KLHL1: variants seen among roughly 807,000 people sequenced by gnomAD.
KLHL1 encodes kelch like family member 1, also known as kelch-like protein 1.
In KLHL1, 47 loss-of-function variants were observed where a neutral mutation model predicts 77.7. The observed-to-expected ratio is 0.60, with a 90% CI of 0.48 to 0.77. The LOEUF (loss-of-function observed/expected upper bound fraction) is 0.77. Among genes scored for constraint, KLHL1 ranks in the 30% least tolerant of loss-of-function variants. The pLI, the probability that KLHL1 is intolerant of heterozygous loss-of-function variation, is 0.00. For synonymous variants in KLHL1, 360 were observed against 325.2 expected (o/e 1.11, Z -1.15); for missense variants, 925 against 910.8 (o/e 1.02, Z -0.20).
chr13:69,875,222 TTAAG>T (rs1402685107), intron 5 of KLHL1, among the ~76,000 whole-genome samples: 1 of 152,004 alleles, frequency 6.6e-6, no homozygotes, highest in Non-Finnish European at 1.5e-5. Context: ...AGAATGATGG[TTAAG>T]TAAAAGTACA....
At chr13:69,888,064 C>T (rs899784084) in intron 4 of KLHL1, among the ~76,000 whole-genome samples, 3 of 152,032 alleles carry the variant, frequency 2.0e-5, no homozygotes, top group Non-Finnish European at 4.4e-5. Flanking sequence ...CTGGAAAGTC[C>T]AACATCAAGG....
At chr13:69,741,425 A>T (rs1873981937) in intron 7 of KLHL1, among the ~76,000 whole-genome samples, 1 of 152,162 alleles carries the variant, frequency 6.6e-6, no homozygotes, top group Admixed American at 6.6e-5. Context: ...CCTATTACCA[A>T]GCTGACAAAT....
chr13:69,956,135 ATGATATATATATTTATATATATT>A (rs1455235840), intron 3 of KLHL1, among the ~76,000 whole-genome samples: 11 of 141,858 alleles, frequency 7.8e-5, no homozygotes, highest in East Asian at 2.0e-4. Context: ...TTTGATATAT[ATGATATATATATTTATATATATT>A]TGATATATAT....
intron 7 of KLHL1, among the ~76,000 whole-genome samples, chr13:69,792,011 T>C (rs1319724443): frequency 1.3e-5 from 2 of 152,208 alleles, no homozygotes; most frequent in African/African-American, 4.8e-5. Context: ...GAATGCATGC[T>C]GGGCTTAATA....
intron 7 of KLHL1, among the ~76,000 whole-genome samples, chr13:69,772,437 A>T (rs1377132313): frequency 6.6e-6 from 1 of 152,006 alleles, no homozygotes; most frequent in Non-Finnish European, 1.5e-5. Context: ...AAATTTGACA[A>T]TTTTTTTCTA....
intron 5 of KLHL1, among the ~76,000 whole-genome samples, chr13:69,874,280 T>C (rs995317535): frequency 2.0e-5 from 3 of 152,128 alleles, no homozygotes; most frequent in Admixed American, 6.5e-5. Context: ...ATGGACTATA[T>C]AGTCCTCTTC....
intron 4 of KLHL1, among the ~76,000 whole-genome samples, chr13:69,925,855 T>A (rs1882797985): frequency 6.6e-6 from 1 of 152,222 alleles, no homozygotes; most frequent in South Asian, 2.1e-4. Context: ...GTATACTGTG[T>A]GAGTTATGGT....
intron 1 of KLHL1, among the ~76,000 whole-genome samples, chr13:69,997,818 A>T (rs1593661945): frequency 6.7e-6 from 1 of 149,144 alleles, no homozygotes; most frequent in South Asian, 2.1e-4. Context: ...ATTCTTTATT[A>T]TATATATATC....
intron 6 of KLHL1, among the ~76,000 whole-genome samples, chr13:69,828,444 A>C (rs114237227): frequency 0.044 from 6,530 of 150,036 alleles, 916 homozygotes; most frequent in African/African-American, 0.15. Context: ...TTGGGGAGGG[A>C]AGCCAGTGGA....
intron 8 of KLHL1, among the ~76,000 whole-genome samples, chr13:69,728,069 G>T (rs1873379593): frequency 6.6e-6 from 1 of 151,924 alleles, no homozygotes; most frequent in East Asian, 1.9e-4. Context: ...TTCAGTATGT[G>T]AATTAAAATT....
At chr13:69,968,542 TA>T (rs55794521) in intron 2 of KLHL1, among the ~76,000 whole-genome samples, 87,696 of 146,194 alleles carry the variant, frequency 0.6, 25,975 homozygotes, top group South Asian at 0.67. Context: ...GGTTGAAATT[TA>T]AAAAAAAAAA....
chr13:69,995,205 CACTA>C (rs1215172963), intron 1 of KLHL1, among the ~76,000 whole-genome samples: 3 of 152,142 alleles, frequency 2.0e-5, no homozygotes, highest in Non-Finnish European at 4.4e-5. Flanking sequence ...CCAAGGCCTA[CACTA>C]TTATTTACTA....
chr13:69,867,946 TAC>T (rs1367696067), intron 5 of KLHL1, among the ~76,000 whole-genome samples: 54 of 152,050 alleles, frequency 3.6e-4, no homozygotes, highest in Non-Finnish European at 6.5e-4. Flanking sequence ...GAAACATGTA[TAC>T]ATATGTAACT....
At chr13:69,876,448 AG>A (rs796173353) in intron 5 of KLHL1, among the ~76,000 whole-genome samples, 3 of 152,346 alleles carry the variant, frequency 2.0e-5, no homozygotes, top group African/African-American at 7.2e-5. Context: ...AGCTTTACAC[AG>A]AGAGACTTAA....
chr13:69,992,174 TA>T (rs1225111401), intron 1 of KLHL1, among the ~76,000 whole-genome samples: 1 of 152,080 alleles, frequency 6.6e-6, no homozygotes, highest in African/African-American at 2.4e-5. Context: ...AAATTTATGT[TA>T]TTTTATAATT....
intron 1 of KLHL1, among the ~76,000 whole-genome samples, chr13:70,045,168 T>C (rs1333068975): frequency 6.6e-6 from 1 of 152,182 alleles, no homozygotes; most frequent in Non-Finnish European, 1.5e-5. Flanking sequence ...TGAAAAGTTA[T>C]ATGGTTTTTC....
At chr13:69,853,157 G>C (rs1395840292) in intron 5 of KLHL1, among the ~76,000 whole-genome samples, 1 of 151,966 alleles carries the variant, frequency 6.6e-6, no homozygotes, top group Non-Finnish European at 1.5e-5. Flanking sequence ...GATATGGTTT[G>C]ACTGTGACCC....
At chr13:70,000,073 T>C (rs988909391) in intron 1 of KLHL1, among the ~76,000 whole-genome samples, 1 of 151,942 alleles carries the variant, frequency 6.6e-6, no homozygotes, top group Non-Finnish European at 1.5e-5. Flanking sequence ...GATCTGATTG[T>C]TTAAAAGAGG....
At chr13:70,056,284 G>A (rs1253493642) in intron 1 of KLHL1, among the ~76,000 whole-genome samples, 1 of 152,032 alleles carries the variant, frequency 6.6e-6, no homozygotes, top group African/African-American at 2.4e-5. Context: ...TCAGGAAGAG[G>A]AGATAACAAT....
Sources: allele counts gnomAD v4.1 joint callset (sites outside exome capture counted in the v4.1 genomes callset), GRCh38; gene constraint gnomAD v4.1.1; transcripts MANE v1.5; gene names NCBI Gene and HGNC (gene_info 2026-07-23, HGNC 2026-07-21).